The following CLVS1 variants were observed in gnomAD, a reference collection of about 807,000 sequenced individuals.
CLVS1 encodes the protein clavesin-1.
In CLVS1, 10 loss-of-function variants were observed where a neutral mutation model predicts 33.1. That is an observed-to-expected ratio of 0.30 (90% confidence interval 0.19 to 0.51). The LOEUF (loss-of-function observed/expected upper bound fraction) is 0.51, where lower values mean the gene tolerates loss of function less well. Ranked by LOEUF, CLVS1 falls within the 20% of genes least tolerant of loss-of-function variation. The probability of loss-of-function intolerance (pLI) is 0.97; values close to 1 mark genes in which losing one functional copy is unlikely to be tolerated. For missense variants in CLVS1, 343 were observed against 433.4 expected (o/e 0.79, Z 1.85); for synonymous variants, 163 against 166.1 (o/e 0.98, Z 0.14).
intron 2 of CLVS1, among the ~76,000 whole-genome samples, chr8:61,247,457 G>T (rs774862717): frequency 6.6e-6 from 1 of 152,062 alleles, no homozygotes; most frequent in Non-Finnish European, 1.5e-5. Context: ...CCTCATCAGC[G>T]TCTACTATTT....
intron 2 of CLVS1, among the ~76,000 whole-genome samples, chr8:61,226,284 C>A (rs1228991619): frequency 1.3e-5 from 2 of 152,168 alleles, no homozygotes; most frequent in Non-Finnish European, 2.9e-5. Flanking sequence ...TTTTCAAGAT[C>A]ACTGAATTAA....
At chr8:61,032,635 A>G in the CLVS1 span, among the ~76,000 whole-genome samples, 2 of 152,128 alleles carry the variant, frequency 1.3e-5, no homozygotes, top group African/African-American at 2.4e-5. Context: ...AAGCCAGAGG[A>G]CTGCTTCTCT....
At chr8:61,497,045 A>T (rs1206168703) in intron 5 of CLVS1, among the ~76,000 whole-genome samples, 1 of 152,210 alleles carries the variant, frequency 6.6e-6, no homozygotes, top group Non-Finnish European at 1.5e-5. Context: ...TATGAAAATG[A>T]AATAAGCTAA....
chr8:61,184,394 T>C (rs1015919468), intron 2 of CLVS1, among the ~76,000 whole-genome samples: 6 of 152,174 alleles, frequency 3.9e-5, no homozygotes, highest in Non-Finnish European at 7.3e-5. Context: ...GCAATATATG[T>C]ACAAGAAAAA....
intron 5 of CLVS1, among the ~76,000 whole-genome samples, 176 bp from the exon 6 acceptor site, chr8:61,499,279 G>A (rs1804447717): frequency 6.6e-6 from 1 of 152,124 alleles, no homozygotes; most frequent in Non-Finnish European, 1.5e-5. Flanking sequence ...GGACTCAAGC[G>A]ATCCTCCCAC....
At chr8:61,430,046 G>T (rs1816052950) in intron 3 of CLVS1, among the ~76,000 whole-genome samples, 1 of 152,124 alleles carries the variant, frequency 6.6e-6, no homozygotes, top group Admixed American at 6.5e-5. Flanking sequence ...ATGAATGTAA[G>T]CTTCCCTTTT....
chr8:61,393,897 G>A (rs1409063696), intron 3 of CLVS1, among the ~76,000 whole-genome samples: 2 of 152,144 alleles, frequency 1.3e-5, no homozygotes, highest in African/African-American at 4.8e-5. Context: ...ATGCTAGCAG[G>A]GAAGTTGTCA....
chr8:61,445,615 T>C (rs575348104), intron 3 of CLVS1, among the ~76,000 whole-genome samples: 1 of 152,204 alleles, frequency 6.6e-6, no homozygotes, highest in Non-Finnish European at 1.5e-5. Flanking sequence ...TCCTTTTTTT[T>C]ATAATTTGTT....
intron 2 of CLVS1, among the ~76,000 whole-genome samples, chr8:61,303,242 G>T (rs1337521302): frequency 1.3e-5 from 2 of 152,146 alleles, no homozygotes; most frequent in African/African-American, 4.8e-5. Context: ...TTAGGATTTG[G>T]TCCATGTATA....
At chr8:61,338,118 C>T (rs1005855109) in intron 2 of CLVS1, among the ~76,000 whole-genome samples, 38 of 152,174 alleles carry the variant, frequency 2.5e-4, no homozygotes, top group African/African-American at 9.2e-4. Flanking sequence ...CAATGTCACA[C>T]TTGGAGCCCA....
At chr8:61,273,484 G>C (rs965214193) in intron 2 of CLVS1, among the ~76,000 whole-genome samples, 1 of 152,238 alleles carries the variant, frequency 6.6e-6, no homozygotes, top group Non-Finnish European at 1.5e-5. Flanking sequence ...GCCTACAGAG[G>C]CAGGCAGGCC....
intron 5 of CLVS1, among the ~76,000 whole-genome samples, chr8:61,478,693 T>C (rs904781711): frequency 6.6e-6 from 1 of 152,220 alleles, no homozygotes; most frequent in Non-Finnish European, 1.5e-5. Context: ...CAGCCCTTTA[T>C]TTTGAGCCTA....
At chr8:61,036,093 T>C in the CLVS1 span, among the ~76,000 whole-genome samples, 1 of 152,188 alleles carries the variant, frequency 6.6e-6, no homozygotes, top group Non-Finnish European at 1.5e-5. Context: ...TTTGCTCCTG[T>C]AGCATTAAAG....
At chr8:61,342,852 T>C in intron 2 of CLVS1, among the ~76,000 whole-genome samples, 1 of 152,206 alleles carries the variant, frequency 6.6e-6, no homozygotes, top group African/African-American at 2.4e-5. Context: ...TAATGTGTTA[T>C]AATTTAACTT....
At chr8:61,260,604 G>T (rs1198597111) in intron 2 of CLVS1, among the ~76,000 whole-genome samples, 1 of 152,132 alleles carries the variant, frequency 6.6e-6, no homozygotes, top group Non-Finnish European at 1.5e-5. Flanking sequence ...TCTGGAGTGG[G>T]CATCTGGGAG....
intron 2 of CLVS1, among the ~76,000 whole-genome samples, chr8:61,358,523 T>C (rs1185611325): frequency 6.6e-6 from 1 of 152,234 alleles, no homozygotes; most frequent in Admixed American, 6.5e-5. Context: ...ATTCCAGGCA[T>C]AGCATCATCA....
chr8:61,020,686 A>C, the CLVS1 span, among the ~76,000 whole-genome samples: 2 of 152,354 alleles, frequency 1.3e-5, no homozygotes, highest in African/African-American at 4.8e-5. Context: ...CATGTTTCTC[A>C]GCATGGAAGG....
the CLVS1 span, among the ~76,000 whole-genome samples, chr8:60,998,174 A>G: frequency 6.6e-6 from 1 of 152,110 alleles, no homozygotes; most frequent in East Asian, 1.9e-4. Flanking sequence ...CCACTCTTTT[A>G]CTGACAGTGC....
chr8:61,452,453 T>C (rs948876202), intron 3 of CLVS1, among the ~76,000 whole-genome samples: 125 of 152,338 alleles, frequency 8.2e-4, no homozygotes, highest in African/African-American at 2.9e-3. Context: ...AATAATGAAT[T>C]CTACTTCTAA....
Sources: allele counts gnomAD v4.1 joint callset (sites outside exome capture counted in the v4.1 genomes callset), GRCh38; gene constraint gnomAD v4.1.1; transcripts MANE v1.5; gene names NCBI Gene and HGNC (gene_info 2026-07-23, HGNC 2026-07-21).